The following NWD1 variants were observed in gnomAD, a reference collection of about 807,000 sequenced individuals.
The protein encoded by NWD1 is NACHT and WD repeat domain containing 1, also known as NACHT domain- and WD repeat-containing protein 1.
Under a neutral mutation model 135.1 loss-of-function variants are expected in NWD1, and 129 were observed. The ratio of observed to expected loss-of-function variants is 0.96; its 90% confidence interval spans 0.83 to 1.11. The LOEUF is 1.11. NWD1 is among the 50% of genes least tolerant of loss of function. NWD1 has a pLI of 0.00. For synonymous variants in NWD1, 773 were observed against 786.0 expected (o/e 0.98, Z 0.28); for missense variants, 1,740 against 1,851.3 (o/e 0.94, Z 1.10).
intron 1 of NWD1, among the ~76,000 whole-genome samples, chr19:16,720,512 C>T (rs1001598775): frequency 4.6e-5 from 7 of 151,758 alleles, no homozygotes; most frequent in South Asian, 4.2e-4. Context: ...AGGGGGTTCT[C>T]GAGTAAGGGG....
chr19:16,773,038 G>C, intron 10 of NWD1, 88 bp from the exon 11 acceptor site: 1 of 1,092,560 alleles, frequency 9.2e-7, no homozygotes, highest in South Asian at 1.3e-5. Flanking sequence ...TTTTGTTCTG[G>C]AGCCCCTGCA....
intron 18 of NWD1, among the ~76,000 whole-genome samples, chr19:16,810,695 C>G (rs907130372): frequency 6.6e-6 from 1 of 151,496 alleles, no homozygotes; most frequent in African/African-American, 2.4e-5. Flanking sequence ...CCCTGGAGTT[C>G]GAGGCTGTAG....
At chr19:16,749,020 A>G (rs1968437001) in intron 5 of NWD1, 119 bp from the exon 6 acceptor site, 2 of 727,852 alleles carry the variant, frequency 2.7e-6, no homozygotes, top group African/African-American at 1.8e-5. Flanking sequence ...ACTCTGGTGC[A>G]CGTTAATCTT....
chr19:16,734,088 G>A (rs952657398), intron 3 of NWD1, among the ~76,000 whole-genome samples: 9 of 152,032 alleles, frequency 5.9e-5, no homozygotes, highest in Non-Finnish European at 8.8e-5. Context: ...TCCCCATGGC[G>A]AGCAGGCACA....
At position 16,749,476 on chromosome 19, in the gene NWD1, C is replaced by T; in HGVS notation, c.834C>T (p.Leu278=). ...QFVVRANHQV[L]TRLRELDTAG... is the part of the protein sequence containing the mutation. ...TGGTGAGGGCCAATCACCAGGTCCT[C>T]ACACGCCTCCGTGAGCTGGATACGG... The change falls in exon 6 of 19, where the codon CTC becomes CTT. Residue 278 remains leucine (L), a synonymous_variant. Transcript: ENST00000524140. 6.2e-7 allele frequency: 1 copy of T among 1,612,240 alleles called. No individual in the cohort carries two copies. The highest frequency in any genetic ancestry group is 8.5e-7 in the Non-Finnish European group (1 of 1,178,510).
At chr19:16,785,762 A>G (rs1484806015) in intron 12 of NWD1, among the ~76,000 whole-genome samples, 1 of 147,130 alleles carries the variant, frequency 6.8e-6, no homozygotes, top group Non-Finnish European at 1.5e-5. Context: ...ATATACATAT[A>G]TACAAAAACA....
chr19:16,781,546 A>G (rs576639333), intron 12 of NWD1, among the ~76,000 whole-genome samples: 1 of 151,332 alleles, frequency 6.6e-6, no homozygotes, highest in African/African-American at 2.4e-5. Context: ...AGCTCAGGAG[A>G]TTGGGGCTAC....
chr19:16,739,423 A>G (rs1967992129), intron 4 of NWD1, among the ~76,000 whole-genome samples: 2 of 151,966 alleles, frequency 1.3e-5, no homozygotes, highest in African/African-American at 4.8e-5. Flanking sequence ...TGATTTTGCA[A>G]CCCAAATTGC....
rs1970471296 is a variant in NWD1, at chr19:16,797,856, C to T, written c.3429C>T (p.Ile1143=). The change falls in exon 16 of 19, where the codon ATC becomes ATT. Residue 1143 remains isoleucine (I), a synonymous_variant. Transcript: ENST00000524140. ...TAVFGTENNL[I]ITGSLDALIQ... ...TTTTTGGTACTGAGAACAACCTGAT[C>T]ATCACGGGGTCCCTTGATGCGCTCA... The T allele has an allele frequency of 6.2e-7, 1 of 1,614,052 alleles. No individual in the cohort carries two copies. Among genetic ancestry groups the T allele is most frequent in the East Asian group, 2.2e-5 (1 of 44,876 alleles).
rs138264504 is a variant in NWD1, at chr19:16,807,909, G to A, written c.4060G>A (p.Val1354Met). ...TCAGCTGCCCGAGACCCTCTCCAGC[G>A]TGGCCATTCTGACGGACTACCGCGT... The part of the protein sequence containing the change: ...YTQLPETLSS[V>M]AILTDYRVVY... Residue 1354 changes from valine (V) to methionine (M), a missense_variant, in exon 18 of 19, where the codon GTG becomes ATG. Val to Met is a conservative substitution (Grantham distance 21). Coordinates refer to ENST00000524140, the MANE Select transcript of NWD1 (RefSeq NM_001007525.5). The A allele has an allele frequency of 2.5e-3, 4,013 of 1,614,152 alleles. 8 individuals carry two copies. The highest frequency in any genetic ancestry group is 9.1e-3 in the Middle Eastern group (55 of 6,062).
At chr19:16,725,412 A>G (rs997987523) in intron 2 of NWD1, among the ~76,000 whole-genome samples, 3 of 151,318 alleles carry the variant, frequency 2.0e-5, no homozygotes, top group Non-Finnish European at 4.4e-5. Flanking sequence ...CAGGAGATCG[A>G]GGCTACAGTG....
intron 18 of NWD1, among the ~76,000 whole-genome samples, chr19:16,813,988 C>CAA (rs563328787): frequency 3.2e-5 from 4 of 124,260 alleles, no homozygotes; most frequent in Non-Finnish European, 5.2e-5. Flanking sequence ...TCTGTCTCTA[C>CAA]AAAAAAAAAA....
chr19:16,729,107 C>G (rs1967451815), intron 2 of NWD1, among the ~76,000 whole-genome samples: 1 of 152,044 alleles, frequency 6.6e-6, no homozygotes, highest in Non-Finnish European at 1.5e-5. Context: ...CTCCTGGACC[C>G]TCTGTTTCCT....
At position 16,750,183 on chromosome 19, in the gene NWD1, C is replaced by T. The variant is rs371297297; in HGVS notation, c.1541C>T (p.Thr514Met). The part of the protein sequence containing the change: ...IQLLLAAARR[T>M]LSPVHTDLLW... ...CTCCTGCTGGCAGCTGCAAGGAGGA[C>T]GCTGAGCCCGGTGCACACAGATTTG... Residue 514 changes from threonine (T) to methionine (M), a missense_variant, in exon 6 of 19, where the codon ACG becomes ATG. Thr to Met is a moderately conservative substitution (Grantham distance 81). Coordinates refer to ENST00000524140, the MANE Select transcript of NWD1 (RefSeq NM_001007525.5). The T allele has an allele frequency of 2.5e-5, 40 of 1,613,216 alleles. No homozygotes were observed. The highest frequency in any genetic ancestry group is 1.3e-4 in the Admixed American group (8 of 59,952).
chr19:16,722,687 T>G (rs765592001), intron 1 of NWD1, among the ~76,000 whole-genome samples: 7 of 151,924 alleles, frequency 4.6e-5, no homozygotes, highest in Non-Finnish European at 1.0e-4. Flanking sequence ...GGAAGTGACC[T>G]CTAAGCCCTT....
At chr19:16,799,266 G>A (rs1970519676) in intron 16 of NWD1, among the ~76,000 whole-genome samples, 1 of 152,156 alleles carries the variant, frequency 6.6e-6, no homozygotes, top group African/African-American at 2.4e-5. Flanking sequence ...CGCAATCTCA[G>A]CTCACTGCAA....
At chr19:16,784,031 C>T (rs1039641773) in intron 12 of NWD1, among the ~76,000 whole-genome samples, 2 of 151,914 alleles carry the variant, frequency 1.3e-5, no homozygotes, top group African/African-American at 4.8e-5. Flanking sequence ...ATGGCGAAAC[C>T]CCATCTCTAC....
chr19:16,720,923 T>C (rs1343531554), intron 1 of NWD1, among the ~76,000 whole-genome samples: 1 of 152,044 alleles, frequency 6.6e-6, no homozygotes, highest in Non-Finnish European at 1.5e-5. Flanking sequence ...CGATCTCGGC[T>C]CACTGCAACC....
chr19:16,764,183 T>A (rs949854499), intron 9 of NWD1, among the ~76,000 whole-genome samples: 18 of 152,176 alleles, frequency 1.2e-4, no homozygotes, highest in Non-Finnish European at 2.2e-4. Context: ...AGGCCAGGAA[T>A]GCTGCTTAAT....
Sources: allele counts gnomAD v4.1 joint callset (sites outside exome capture counted in the v4.1 genomes callset), GRCh38; gene constraint gnomAD v4.1.1; transcripts MANE v1.5; gene names NCBI Gene and HGNC (gene_info 2026-07-23, HGNC 2026-07-21).